The following TJP2 variants were observed in gnomAD, a reference collection of about 807,000 sequenced individuals.
TJP2 encodes the protein tight junction protein 2.
A neutral mutation model predicts 133.1 loss-of-function variants in TJP2; 91 were observed. The observed-to-expected ratio is 0.68, with a 90% CI of 0.58 to 0.81. The LOEUF (loss-of-function observed/expected upper bound fraction) is 0.81, where lower values mean the gene tolerates loss of function less well. Ranked by LOEUF, TJP2 falls within the 40% of genes least tolerant of loss-of-function variation. TJP2 has a pLI of 0.00. For missense variants in TJP2, 1,541 were observed against 1,565.6 expected (o/e 0.98, Z 0.26); for synonymous variants, 592 against 583.4 (o/e 1.01, Z -0.21).
intron 12 of TJP2, among the ~76,000 whole-genome samples, chr9:69,234,809 C>T (rs1189807187): frequency 2.0e-5 from 3 of 152,120 alleles, no homozygotes; most frequent in Admixed American, 2.0e-4. Flanking sequence ...AACAGTGATG[C>T]AGCCTTATGT....
intron 1 of TJP2, among the ~76,000 whole-genome samples, chr9:69,195,459 AT>A (rs1262320498): frequency 1.3e-5 from 2 of 151,830 alleles, no homozygotes; most frequent in Non-Finnish European, 2.9e-5. Context: ...AATTGGACTC[AT>A]GCAAATTTGC....
In TJP2 at chr9:69,225,266, T is replaced by C. The variant is rs763379938; in HGVS notation, c.953-38T>C. On this transcript the variant is annotated intron_variant, in intron 5 of 22. Transcript: ENST00000377245. ...ACCAGACTAAGTTTTTTGAACAAAT[T>C]GATAACATACGTGTATGTTTATGTG... 3 of 1,356,766 alleles carry C rather than the reference T, an allele frequency of 2.2e-6. No homozygotes were observed. The Admixed American group carries it at 5.1e-5, about 23-fold the overall frequency. The allele number at this position is 1,356,766 out of a possible 1,614,324, so 84.0% of individuals were successfully genotyped here. A position where few individuals can be genotyped will look rare whatever the true frequency, so the allele number is the denominator to read the frequency against.
intron 1 of TJP2, among the ~76,000 whole-genome samples, chr9:69,200,168 C>T (rs1826882321): frequency 6.6e-6 from 1 of 152,092 alleles, no homozygotes; most frequent in African/African-American, 2.4e-5. Context: ...ACTGAGTACT[C>T]GCAATGTCTT....
At position 69,179,237 on chromosome 9, in the gene TJP2, A is replaced by G. The variant is rs530775833; in HGVS notation, c.60+4805A>G. Among the ~76,000 whole-genome samples the G allele has an allele frequency of 5.3e-5, 8 of 152,354 alleles. No individual in the cohort carries two copies. The South Asian group carries it at 1.7e-3, about 32-fold the overall frequency. On this transcript the variant is annotated intron_variant, in intron 1 of 22. Transcript: ENST00000377245. ...TGTACTTTAGTCATTTAAAATCAGCACAGATGTTTGTTTAGTGCCTCTGCC... is the reference window on the plus strand; with the variant it reads ...TGTACTTTAGTCATTTAAAATCAGCGCAGATGTTTGTTTAGTGCCTCTGCC...
chr9:69,246,358 G>A (rs1316736572), intron 17 of TJP2: 1 of 369,560 alleles, frequency 2.7e-6, no homozygotes, highest in East Asian at 7.0e-5. Context: ...CTCCCAGAGT[G>A]CTGAGATTAC....
chr9:69,246,874 A>G (rs1363880208), intron 18 of TJP2, 84 bp downstream of exon 18: 1 of 1,232,070 alleles, frequency 8.1e-7, no homozygotes. Context: ...TAGTCAAGCC[A>G]TGCCCATTTG....
intron 17 of TJP2, among the ~76,000 whole-genome samples, chr9:69,243,920 C>T (rs930846841): frequency 4.7e-5 from 4 of 84,958 alleles, no homozygotes; most frequent in Non-Finnish European, 9.8e-5. Context: ...TGGTGGCTCA[C>T]GCCTGTAAAT....
chr9:69,254,070 TG>T, intron 22 of TJP2, 138 bp from the exon 23 acceptor site: 2 of 988,804 alleles, frequency 2.0e-6, no homozygotes, highest in Non-Finnish European at 3.2e-6. Flanking sequence ...AGGGATGCCC[TG>T]GTTGCTCTGC....
At chr9:69,223,187 C>T (rs1588099947) in intron 5 of TJP2, among the ~76,000 whole-genome samples, 2 of 152,004 alleles carry the variant, frequency 1.3e-5, no homozygotes, top group East Asian at 1.9e-4. Flanking sequence ...GAGGACAGTA[C>T]TCCGCCTAAT....
Position 69,153,062 on chromosome 9 carries a change from TA to T in TJP2, c.-10+1300del, listed in dbSNP as rs946692657. ...AACATAGTGAGACCCTGTCTCTATT[TA>T]AAAAAAAATAATAATAATAATTTGC... On this transcript the variant is annotated intron_variant, in intron 2 of 5. Coordinates refer to the TJP2 transcript ENST00000423935. Among the ~76,000 whole-genome samples the T allele has an allele frequency of 4.0e-5, 6 of 150,196 alleles. No individual in the cohort carries two copies. The East Asian group carries it at 9.8e-4, about 24-fold the overall frequency.
chr9:69,202,423 A>G (rs1324310750), intron 1 of TJP2, among the ~76,000 whole-genome samples: 2 of 152,156 alleles, frequency 1.3e-5, no homozygotes, highest in Non-Finnish European at 2.9e-5. Flanking sequence ...CAGGTGCTAC[A>G]CTGTATACCC....
At chr9:69,134,725 G>A (rs193078072) in intron 1 of TJP2, among the ~76,000 whole-genome samples, 1 of 152,328 alleles carries the variant, frequency 6.6e-6, no homozygotes, top group Admixed American at 6.5e-5. Flanking sequence ...GTCTTAGTCA[G>A]CTCGGGCTGC....
chr9:69,172,247 G>C (rs1447507813), upstream of TJP2, among the ~76,000 whole-genome samples: 1 of 152,224 alleles, frequency 6.6e-6, no homozygotes, highest in African/African-American at 2.4e-5. Context: ...ACTGAACCGT[G>C]TTTCTAACAA....
chr9:69,175,251 TG>T (rs1300815998), intron 1 of TJP2, among the ~76,000 whole-genome samples: 1 of 152,202 alleles, frequency 6.6e-6, no homozygotes, highest in Non-Finnish European at 1.5e-5. Context: ...ATGATGGTTG[TG>T]GTTTCCCTGA....
At chr9:69,121,428 A>T, upstream of TJP2, 1 of 812,396 alleles carries the variant, frequency 1.2e-6, no homozygotes, top group Non-Finnish European at 1.5e-6. Flanking sequence ...CCACCGCCCA[A>T]CTCCCCCTGC....
At chr9:69,167,726 G>T (rs1352597846) in intron 2 of TJP2, among the ~76,000 whole-genome samples, 1 of 151,984 alleles carries the variant, frequency 6.6e-6, no homozygotes, top group African/African-American at 2.4e-5. Context: ...AAATTAGCCG[G>T]GCATGGTGGC....
intron 2 of TJP2, chr9:69,151,837 T>TA: frequency 1.5e-5 from 19 of 1,228,392 alleles, no homozygotes; most frequent in Non-Finnish European, 1.9e-5. Flanking sequence ...TTCGAATAGT[T>TA]ACCGTTTTCA....
intron 1 of TJP2, among the ~76,000 whole-genome samples, chr9:69,150,345 AT>A (rs1823411852): frequency 6.7e-6 from 1 of 149,894 alleles, no homozygotes; most frequent in Non-Finnish European, 1.5e-5. Context: ...CCAGGCTGGA[AT>A]GCAGTGGTGA....
intron 1 of TJP2, among the ~76,000 whole-genome samples, chr9:69,136,694 T>G (rs1822747104): frequency 6.6e-6 from 1 of 152,130 alleles, no homozygotes. Flanking sequence ...ATTTCCTGGT[T>G]GGGGGTGTCT....
Sources: allele counts gnomAD v4.1 joint callset (sites outside exome capture counted in the v4.1 genomes callset), GRCh38; gene constraint gnomAD v4.1.1; transcripts MANE v1.5; gene names NCBI Gene and HGNC (gene_info 2026-07-23, HGNC 2026-07-21).